SCN9A: variants seen among roughly 807,000 people sequenced by gnomAD.
The protein encoded by SCN9A is sodium channel protein type 9 subunit alpha.
A neutral mutation model predicts 187.0 loss-of-function variants in SCN9A; 131 were observed. The observed-to-expected ratio is 0.70, with a 90% confidence interval of 0.61 to 0.81. SCN9A has a LOEUF of 0.81. Among genes scored for constraint, SCN9A ranks in the 30% least tolerant of loss-of-function variants. The pLI is 0.00. For synonymous variants in SCN9A, 809 were observed against 808.6 expected (o/e 1.00, Z -0.01); for missense variants, 2,252 against 2,396.6 (o/e 0.94, Z 1.26).
intron 12 of SCN9A, among the ~76,000 whole-genome samples, chr2:166,283,292 T>C (rs1697577050): frequency 6.6e-6 from 1 of 152,230 alleles, no homozygotes; most frequent in South Asian, 2.1e-4. Context: ...AGCTGTATCA[T>C]GCACACATAG....
chr2:166,288,093 T>TTATATATA (rs72083111), intron 10 of SCN9A, among the ~76,000 whole-genome samples: 16 of 134,894 alleles, frequency 1.2e-4, no homozygotes, highest in Admixed American at 3.7e-4. Context: ...TTCCATGTGT[T>TTATATATA]TATATATATA....
At chr2:166,261,870 T>C (rs1489083924) in intron 17 of SCN9A, among the ~76,000 whole-genome samples, 1 of 152,000 alleles carries the variant, frequency 6.6e-6, no homozygotes, top group Non-Finnish European at 1.5e-5. Context: ...AAATCAATTC[T>C]ACTTAATACA....
Position 166,268,226 on chromosome 2 carries a change from A to C in SCN9A, c.3351+4173T>G, listed in dbSNP as rs188824938. On this transcript the variant is annotated intron_variant, in intron 17 of 26. Coordinates refer to ENST00000642356, the MANE Select transcript of SCN9A (RefSeq NM_001365536.1). ...AAAAAATGTTTTTGTAAATTGCTCA[A>C]GGTCTTATCAAAAGCTAAGATTTGA... Among the ~76,000 whole-genome samples, 677 of 152,168 alleles carry C rather than the reference A, an allele frequency of 4.4e-3. 4 individuals are homozygous for C. The highest frequency in any genetic ancestry group is 0.016 in the African/African-American group (655 of 41,562).
At position 166,311,569 on chromosome 2, in the gene SCN9A, T is replaced by C. The variant is rs1698959401; in HGVS notation, c.188A>G (p.Tyr63Cys). ...CACCATGCCGGGAGGAATGTCCCCA[T>C]AGATGAAGGGCAGCTGTTTGCCAGC... is the stretch of plus-strand genomic sequence containing the variant. ...LEAGKQLPFI[Y>C]GDIPPGMVSE... Residue 63 changes from tyrosine (Y) to cysteine (C), a missense_variant, in exon 2 of 27, where the codon TAT (tyrosine) becomes TGT (cysteine). By Grantham distance (194) the Tyr-to-Cys change is radical (BLOSUM62 -2). Coordinates refer to ENST00000642356, the MANE Select transcript of SCN9A (RefSeq NM_001365536.1). The C allele has an allele frequency of 2.5e-6, 4 of 1,613,172 alleles. No homozygotes were observed. Among genetic ancestry groups the C allele is most frequent in the Non-Finnish European group, 1.7e-6 (2 of 1,179,726 alleles).
rs1191351632 is a variant in SCN9A, at chr2:166,272,388, A to C, written c.3351+11T>G. On this transcript the variant is annotated intron_variant, in intron 17 of 26. Coordinates refer to ENST00000642356, the MANE Select transcript of SCN9A (RefSeq NM_001365536.1). ...TTAATATGAAACACAAAGTATATGAAGCATTCTTACCACTTTGCTGTATTC... is the reference window on the plus strand; with the variant it reads ...TTAATATGAAACACAAAGTATATGACGCATTCTTACCACTTTGCTGTATTC... 5.4e-6 allele frequency: 8 copies of C among 1,474,236 alleles called. No homozygotes were observed. In the African/African-American group the frequency reaches 8.4e-5, roughly 15 times the overall value. 91.3% of individuals were successfully genotyped at this position (1,474,236 alleles called of 1,614,324 possible).
intron 1 of SCN9A, among the ~76,000 whole-genome samples, chr2:166,361,030 A>T (rs1397533959): frequency 6.6e-6 from 1 of 152,180 alleles, no homozygotes; most frequent in African/African-American, 2.4e-5. Context: ...TCCCATCTCT[A>T]CTGCTTACTA....
chr2:166,289,261 C>T (rs781273711), intron 9 of SCN9A, among the ~76,000 whole-genome samples: 14 of 150,792 alleles, frequency 9.3e-5, no homozygotes, highest in Non-Finnish European at 1.3e-4. Flanking sequence ...TGGGTAGACA[C>T]GTGCCATGGT....
intron 17 of SCN9A, among the ~76,000 whole-genome samples, chr2:166,267,187 G>C (rs1290637422): frequency 6.6e-6 from 1 of 151,774 alleles, no homozygotes; most frequent in Non-Finnish European, 1.5e-5. Context: ...TTAGCTGTGG[G>C]TTTGTTACAT....
At chr2:166,301,129 T>C (rs1408588474) in intron 7 of SCN9A, 1 of 101,924 alleles carries the variant, frequency 9.8e-6, no homozygotes, top group Non-Finnish European at 1.9e-5. Context: ...TTTTGTATTA[T>C]TTTTTAGCAA....
intron 16 of SCN9A, 44 bp downstream of exon 16, chr2:166,276,939 A>C: frequency 6.6e-7 from 1 of 1,519,360 alleles, no homozygotes; most frequent in Admixed American, 1.7e-5. Flanking sequence ...TCACAAAATA[A>C]TTTCCACAGA....
rs187456531 is a variant in SCN9A, at chr2:166,225,468, A to C, written c.4398+1099T>G. On this transcript the variant is annotated intron_variant, in intron 24 of 26. Coordinates refer to ENST00000642356, the MANE Select transcript of SCN9A (RefSeq NM_001365536.1). ...ATAGAGTACAAGATACATCGAATTT[A>C]CTACTGACTCTATCTAACCTTCATC... 8.2e-3 allele frequency among the ~76,000 whole-genome samples: 1,255 copies of C among 152,252 alleles called. 12 individuals carry two copies. The highest frequency in any genetic ancestry group is 0.011 in the Non-Finnish European group (715 of 68,012).
chr2:166,315,494 C>T (rs1699087500), intron 1 of SCN9A, among the ~76,000 whole-genome samples: 1 of 152,076 alleles, frequency 6.6e-6, no homozygotes, highest in African/African-American at 2.4e-5. Context: ...GCAATATTTC[C>T]CTGATCAAGC....
intron 8 of SCN9A, 63 bp downstream of exon 8, chr2:166,294,536 G>A (rs1371579799): frequency 2.4e-6 from 3 of 1,237,840 alleles, no homozygotes; most frequent in Admixed American, 3.8e-5. Flanking sequence ...TTTGCAAACT[G>A]ACTGAACATT....
intron 1 of SCN9A, 123 bp downstream of exon 1, chr2:166,375,574 G>A (rs1350698854): frequency 6.6e-6 from 1 of 152,308 alleles, no homozygotes; most frequent in Non-Finnish European, 1.5e-5. Context: ...GCGTAATACA[G>A]GGTTCCAGAA....
At position 166,285,253 on chromosome 2, in the gene SCN9A, A is replaced by T. The variant is rs6735459; in HGVS notation, c.1603-429T>A. ...TCTTTGCATTGAAAATCCACCTTAC[A>T]TACTAAGAGCTCAGTTAAAGTGTAT... On this transcript the variant is annotated intron_variant, in intron 11 of 26. Transcript: ENST00000642356. Among the ~76,000 whole-genome samples, 855 of 152,324 alleles carry T rather than the reference A, an allele frequency of 5.6e-3. 9 individuals carry two copies. Among genetic ancestry groups the T allele is most frequent in the African/African-American group, 0.02 (817 of 41,570 alleles).
rs1228506721 is a variant in SCN9A at position 166,299,949 on chromosome 2, T to C, written c.901+3141A>G. ...TCATCCTCAATGCTTCCTGTCTTCT[T>C]TAATCCATCAGCAAGCTCTACAGAC... is the stretch of plus-strand genomic sequence containing the variant. On this transcript the variant is annotated intron_variant, in intron 7 of 26. Transcript: ENST00000642356. Among the ~76,000 whole-genome samples the C allele has an allele frequency of 1.3e-5, 2 of 150,812 alleles. 1 individual carries two copies. Among genetic ancestry groups the C allele is most frequent in the African/African-American group, 5.0e-5 (2 of 40,176 alleles).
At chr2:166,216,087 A>G (rs1694318977) in intron 24 of SCN9A, among the ~76,000 whole-genome samples, 1 of 152,126 alleles carries the variant, frequency 6.6e-6, no homozygotes, top group Non-Finnish European at 1.5e-5. Context: ...TTAAACATAC[A>G]TAAATCAATA....
chr2:166,227,863 T>A, intron 22 of SCN9A, 140 bp from the exon 23 acceptor site: 1 of 619,962 alleles, frequency 1.6e-6, no homozygotes, highest in Non-Finnish European at 2.9e-6. Context: ...GTCCATTTAA[T>A]GTAAAGATTT....
intron 24 of SCN9A, among the ~76,000 whole-genome samples, chr2:166,207,684 G>A (rs766312793): frequency 1.3e-5 from 2 of 152,088 alleles, no homozygotes; most frequent in African/African-American, 2.4e-5. Flanking sequence ...CAAGTGATCT[G>A]CCAGCCTTGG....
Sources: allele counts gnomAD v4.1 joint callset (sites outside exome capture counted in the v4.1 genomes callset), GRCh38; gene constraint gnomAD v4.1.1; transcripts MANE v1.5; gene names NCBI Gene and HGNC (gene_info 2026-07-23, HGNC 2026-07-21).